The following FOXP2 variants were observed in gnomAD, a reference collection of about 807,000 sequenced individuals.
FOXP2 encodes the protein forkhead box P2, also known as forkhead box protein P2.
Under a neutral mutation model 115.8 loss-of-function variants are expected in FOXP2, and 12 were observed. The observed-to-expected ratio is 0.10, with a 90% CI of 0.07 to 0.17. FOXP2 has a LOEUF of 0.17. Among genes scored for constraint, FOXP2 ranks in the 10% least tolerant of loss-of-function variants. FOXP2 has a pLI of 1.00. For missense variants in FOXP2, 629 were observed against 843.5 expected (o/e 0.75, Z 3.15); for synonymous variants, 328 against 297.7 (o/e 1.10, Z -1.05).
At chr7:114,595,567 A>G (rs1802651430) in intron 3 of FOXP2, among the ~76,000 whole-genome samples, 1 of 152,070 alleles carries the variant, frequency 6.6e-6, no homozygotes, top group Non-Finnish European at 1.5e-5. Context: ...AACAGTATAG[A>G]TACTAATTTT....
At chr7:114,677,573 T>A (rs185353847) in intron 16 of FOXP2, among the ~76,000 whole-genome samples, 1 of 152,200 alleles carries the variant, frequency 6.6e-6, no homozygotes, top group African/African-American at 2.4e-5. Flanking sequence ...GGATAAACTT[T>A]CCCTTTATAA....
At chr7:114,178,189 A>G (rs550899736) in intron 1 of FOXP2, among the ~76,000 whole-genome samples, 2 of 151,954 alleles carry the variant, frequency 1.3e-5, no homozygotes, top group African/African-American at 4.8e-5. Flanking sequence ...TAAAGCTTCC[A>G]TTATTATTTT....
At chr7:114,449,342 T>C (rs985998809) in intron 2 of FOXP2, among the ~76,000 whole-genome samples, 1 of 152,128 alleles carries the variant, frequency 6.6e-6, no homozygotes, top group African/African-American at 2.4e-5. Flanking sequence ...TATTTTTAAA[T>C]TGAAAATACA....
intron 3 of FOXP2, among the ~76,000 whole-genome samples, chr7:114,555,800 CA>C (rs1394394764): frequency 6.6e-6 from 1 of 151,836 alleles, no homozygotes; most frequent in African/African-American, 2.4e-5. Context: ...GTCTCAAAAA[CA>C]AACAAACAAA....
At chr7:114,460,992 G>T (rs1775318268) in intron 2 of FOXP2, among the ~76,000 whole-genome samples, 1 of 152,146 alleles carries the variant, frequency 6.6e-6, no homozygotes, top group African/African-American at 2.4e-5. Context: ...TGACGGGAAG[G>T]TGTCTGCTGA....
chr7:114,221,527 C>T (rs954989359), intron 1 of FOXP2, among the ~76,000 whole-genome samples: 1 of 151,976 alleles, frequency 6.6e-6, no homozygotes, highest in Non-Finnish European at 1.5e-5. Flanking sequence ...GCACTTTTTC[C>T]ATGTGTATCT....
At chr7:114,291,563 G>A (rs1796590764) in intron 2 of FOXP2, among the ~76,000 whole-genome samples, 1 of 151,796 alleles carries the variant, frequency 6.6e-6, no homozygotes, top group Non-Finnish European at 1.5e-5. Context: ...AGGAGTCCAG[G>A]CACAGTTTAG....
chr7:114,430,812 C>G (rs2129207131), intron 2 of FOXP2, among the ~76,000 whole-genome samples: 1 of 151,940 alleles, frequency 6.6e-6, no homozygotes, highest in East Asian at 1.9e-4. Context: ...TAAACTTATA[C>G]TCGCTTAATC....
intron 2 of FOXP2, among the ~76,000 whole-genome samples, chr7:114,515,143 G>T (rs1428328416): frequency 6.7e-6 from 1 of 148,332 alleles, no homozygotes; most frequent in African/African-American, 2.5e-5. Context: ...TTGGTTCCAA[G>T]TCTTTGCTAT....
chr7:114,192,353 T>A (rs1431088580), intron 1 of FOXP2, among the ~76,000 whole-genome samples: 1 of 152,198 alleles, frequency 6.6e-6, no homozygotes, highest in Non-Finnish European at 1.5e-5. Context: ...ATTATATGGA[T>A]GCTTCACGGT....
intron 3 of FOXP2, among the ~76,000 whole-genome samples, chr7:114,549,216 T>C (rs1252062543): frequency 1.3e-5 from 2 of 152,182 alleles, no homozygotes; most frequent in East Asian, 3.9e-4. Flanking sequence ...TGTTCCCACA[T>C]AAACCCCAGA....
chr7:114,092,979 A>C (rs1182142474), intron 1 of FOXP2, among the ~76,000 whole-genome samples: 1 of 152,148 alleles, frequency 6.6e-6, no homozygotes, highest in Non-Finnish European at 1.5e-5. Flanking sequence ...CTGTGGCAAT[A>C]ACTACTTAGT....
At chr7:114,160,698 A>G (rs183239405), upstream of FOXP2, among the ~76,000 whole-genome samples, 8 of 152,186 alleles carry the variant, frequency 5.3e-5, no homozygotes, top group Admixed American at 1.3e-4. Context: ...ATTATATACT[A>G]TAATTATTAG....
chr7:114,265,473 C>A (rs909656798), intron 1 of FOXP2, among the ~76,000 whole-genome samples: 2 of 152,154 alleles, frequency 1.3e-5, no homozygotes, highest in African/African-American at 2.4e-5. Context: ...AGGGGTCAGC[C>A]CTTGCGCTTG....
At chr7:114,548,987 T>A (rs1800068529) in intron 3 of FOXP2, among the ~76,000 whole-genome samples, 1 of 152,224 alleles carries the variant, frequency 6.6e-6, no homozygotes, top group Non-Finnish European at 1.5e-5. Context: ...TCAGAAAGTC[T>A]TAACATTCCT....
chr7:114,476,765 C>G (rs1185381092), intron 2 of FOXP2, among the ~76,000 whole-genome samples: 1 of 151,852 alleles, frequency 6.6e-6, no homozygotes, highest in African/African-American at 2.4e-5. Context: ...GGAATATTTT[C>G]CCATTTGTTT....
At chr7:114,322,019 T>A (rs1389501543) in intron 2 of FOXP2, among the ~76,000 whole-genome samples, 1 of 88,188 alleles carries the variant, frequency 1.1e-5, no homozygotes, top group Non-Finnish European at 2.3e-5. Context: ...TTTCAGAGGA[T>A]TCCTTTTTTT....
chr7:114,144,812 T>A (rs1404406997), intron 1 of FOXP2, among the ~76,000 whole-genome samples: 1 of 152,162 alleles, frequency 6.6e-6, no homozygotes, highest in East Asian at 1.9e-4. Flanking sequence ...ATTTATTGTT[T>A]ATTTTGAGTA....
At chr7:114,203,108 T>C (rs961133422) in intron 1 of FOXP2, among the ~76,000 whole-genome samples, 1 of 152,250 alleles carries the variant, frequency 6.6e-6, no homozygotes, top group African/African-American at 2.4e-5. Flanking sequence ...TTCCTCTGGA[T>C]GGTTTCTGAG....
Sources: allele counts gnomAD v4.1 joint callset (sites outside exome capture counted in the v4.1 genomes callset), GRCh38; gene constraint gnomAD v4.1.1; transcripts MANE v1.5; gene names NCBI Gene and HGNC (gene_info 2026-07-23, HGNC 2026-07-21).